TLN1: variants seen among roughly 807,000 people sequenced by gnomAD.
TLN1 encodes the protein talin 1.
TLN1 carries 56 observed loss-of-function variants against 292.3 expected under a neutral mutation model. That is an observed-to-expected ratio of 0.19 (90% CI 0.15 to 0.24). The LOEUF is 0.24. Among genes scored for constraint, TLN1 ranks in the 10% least tolerant of loss-of-function variants. The probability of loss-of-function intolerance (pLI) is 1.00; values close to 1 mark genes in which losing one functional copy is unlikely to be tolerated. For missense variants in TLN1, 2,433 were observed against 3,248.2 expected, an observed-to-expected ratio of 0.75 and a Z score of 6.10; for synonymous variants, 1,119 against 1,253.7, an observed-to-expected ratio of 0.89 and a Z score of 2.27.
At chr9:35,710,968 A>T (rs201568642) in intron 31 of TLN1, 21 bp downstream of exon 31, 859 of 1,614,124 alleles carry the variant, frequency 5.3e-4, no homozygotes, top group Non-Finnish European at 6.9e-4. Context: ...CCTCAATGCC[A>T]TCAGCCTGCC....
chr9:35,713,613 G>C (rs554794909), intron 25 of TLN1, among the ~76,000 whole-genome samples: 57 of 152,190 alleles, frequency 3.7e-4, no homozygotes, highest in African/African-American at 1.3e-3. Context: ...GAACCCAGGA[G>C]GCAGAGGTTG....
Position 35,732,011 on chromosome 9 carries a change from CCCGCCCCGGGG to C in TLN1, c.-34+53_-34+63del. On this transcript the variant is annotated intron_variant, in intron 1 of 56. Transcript: ENST00000314888. This position sits in a 1 kb window ranked among gnomAD's most constrained non-coding sequence, Gnocchi z 5.1. Reference sequence around the variant, plus strand: ...GGACACGCAAGAGAGGCAGGGCCCGCCCGCCCCGGGGCCAGGCCCCGCGGCCCCACCCTAAG... The same window carrying C: ...GGACACGCAAGAGAGGCAGGGCCCGCCCAGGCCCCGCGGCCCCACCCTAAG... The C allele has an allele frequency of 6.5e-6, 1 of 152,854 alleles. No individual in the cohort carries two copies. Among genetic ancestry groups the C allele is most frequent in the South Asian group, 1.8e-4 (1 of 5,432 alleles). The allele number at this position is 152,854 out of a possible 1,614,324, so 9.5% of individuals were successfully genotyped here. A position where few individuals can be genotyped will look rare whatever the true frequency, so the allele number is the denominator to read the frequency against.
chr9:35,731,205 C>T (rs1477435106), intron 1 of TLN1, among the ~76,000 whole-genome samples: 2 of 152,282 alleles, frequency 1.3e-5, no homozygotes, highest in Non-Finnish European at 1.5e-5. Context: ...CATTTACCTA[C>T]TGCCAACCTC....
rs766844989 is a variant in TLN1, at chr9:35,698,516, G to A, written c.7189-11C>T. 2 of 1,613,398 alleles carry A rather than the reference G, an allele frequency of 1.2e-6. No individual in the cohort carries two copies. Among genetic ancestry groups the A allele is most frequent in the Non-Finnish European group, 1.7e-6 (2 of 1,179,632 alleles). On this transcript the variant is annotated splice_polypyrimidine_tract_variant and intron_variant, in intron 54 of 56. Transcript: ENST00000314888. This position sits in a 1 kb window ranked among gnomAD's most constrained non-coding sequence, Gnocchi z 5.3. ...AGCCACCATCCGGGCCTAAAGCAGGGAGAGTTTGCTTAAAAATATGCCCCT... is the reference window on the plus strand; with the variant it reads ...AGCCACCATCCGGGCCTAAAGCAGGAAGAGTTTGCTTAAAAATATGCCCCT...
intron 26 of TLN1, 68 bp downstream of exon 26, chr9:35,713,128 C>A: frequency 6.4e-7 from 1 of 1,571,704 alleles, no homozygotes; most frequent in Admixed American, 1.7e-5. Context: ...CAGTCCCATC[C>A]CTCATCCAGC....
At chr9:35,709,120 C>A (rs1048436551) in intron 33 of TLN1, among the ~76,000 whole-genome samples, 3 of 152,118 alleles carry the variant, frequency 2.0e-5, no homozygotes, top group African/African-American at 7.2e-5. Context: ...TTTAGTGAAA[C>A]CCTGTCTCTA....
At chr9:35,701,816 G>A (rs1825471582) in intron 48 of TLN1, among the ~76,000 whole-genome samples, 1 of 152,190 alleles carries the variant, frequency 6.6e-6, no homozygotes. Flanking sequence ...ATATATTGAA[G>A]CTAGGTTTCT....
rs1278780617 is a variant in TLN1, at chr9:35,699,313, G to A, written c.6874+43C>T. The stretch of plus-strand genomic sequence containing the variant: ...AGCCAGGAAGCAGAGATCACACCAT[G>A]ATAAGGGTTTTCCATCCGTCCCTGT... On this transcript the variant is annotated intron_variant, in intron 51 of 56. Coordinates refer to ENST00000314888, the MANE Select transcript of TLN1 (RefSeq NM_006289.4). This position sits in a 1 kb window ranked among gnomAD's most constrained non-coding sequence, Gnocchi z 4.0. The A allele has an allele frequency of 6.3e-7, 1 of 1,585,472 alleles. No homozygotes were observed. The highest frequency in any genetic ancestry group is 1.7e-5 in the Admixed American group (1 of 57,246).
rs1825428427 is a variant in TLN1, at chr9:35,699,628, CACACGTGATAGAGACAGTGG to C, written c.6769-187_6769-168del. ...CAAGTACACATCATGCATCACACCT[CACACGTGATAGAGACAGTGG>C]GGCTGTGTCACTCACCGGCTGACAA... On this transcript the variant is annotated intron_variant, in intron 50 of 56. Transcript: ENST00000314888. This position sits in a 1 kb window ranked among gnomAD's most constrained non-coding sequence, Gnocchi z 4.0. 1.0e-6 allele frequency: 1 copy of C among 985,264 alleles called. No homozygotes were observed. Among genetic ancestry groups the C allele is most frequent in the Non-Finnish European group, 1.2e-6 (1 of 829,920 alleles). 61.0% of individuals were successfully genotyped at this position (985,264 alleles called of 1,614,324 possible).
chr9:35,712,060 A>C lies in TLN1; in HGVS notation c.3626T>G (p.Val1209Gly). The stretch of plus-strand genomic sequence containing the variant: ...TCCAACTGCCCTCAGGGCATTATCC[A>C]CATCGCGCTGGCCAGGTAGGCAGCT... ...CVSCLPGQRD[V>G]DNALRAVGDA... Residue 1209 changes from valine to glycine, a missense_variant, in exon 28 of 57, where the codon GTG becomes GGG. Physicochemically the swap from Val to Gly is moderately radical, Grantham distance 109. This residue lies in a region of TLN1 where 1,384 missense variants were observed against 1,699.6 expected (regional missense o/e 0.81). Coordinates refer to ENST00000314888, the MANE Select transcript of TLN1 (RefSeq NM_006289.4). The C allele has an allele frequency of 6.2e-7, 1 of 1,614,116 alleles. No homozygotes were observed. Among genetic ancestry groups the C allele is most frequent in the Non-Finnish European group, 8.5e-7 (1 of 1,180,010 alleles).
chr9:35,721,693 G>A lies in TLN1; in HGVS notation c.1059C>T (p.Leu353=). ...KTKEVIQEWN[L]TNIKRWAASP... ...ACGCAGCCCAGCGTTTGATGTTGGT[G>A]AGGTTCCACTCCTGGATCACTTCCT... Residue 353 remains leucine, a synonymous_variant, in exon 10 of 57, where the codon CTC becomes CTT. Transcript: ENST00000314888. The A allele has an allele frequency of 6.2e-7, 1 of 1,614,128 alleles. No homozygotes were observed. Among genetic ancestry groups the A allele is most frequent in the East Asian group, 2.2e-5 (1 of 44,888 alleles).
rs538668311 is a variant in TLN1, at chr9:35,721,560, A to T, written c.1104+88T>A. On this transcript the variant is annotated intron_variant, in intron 10 of 56. Coordinates refer to ENST00000314888, the MANE Select transcript of TLN1 (RefSeq NM_006289.4). ...TTTTTTCTGGAGTAATACTCAGTAT[A>T]CTTACCCCAAGAGAGGGAAGAGACC... The T allele has an allele frequency of 2.2e-4, 320 of 1,448,772 alleles. 2 individuals are homozygous for T. In the South Asian group the frequency reaches 3.9e-3, roughly 17 times the overall value. 89.7% of individuals were successfully genotyped at this position (1,448,772 alleles called of 1,614,324 possible).
rs761209160 is a variant in TLN1, at chr9:35,707,741, T to C, written c.4622A>G (p.Lys1541Arg). 6.2e-7 allele frequency: 1 copy of C among 1,614,142 alleles called. No homozygotes were observed. The highest frequency in any genetic ancestry group is 1.7e-5 in the Admixed American group (1 of 60,018). Residue 1541 changes from lysine to arginine, a missense_variant, in exon 35 of 57, where the codon AAG (lysine) becomes AGG (arginine). By Grantham distance (26) the Lys-to-Arg change is conservative. Around this residue, in one of 7 missense-constraint regions of TLN1, gnomAD observed 1,384 missense variants for 1,699.6 expected, o/e 0.81. Coordinates refer to ENST00000314888, the MANE Select transcript of TLN1 (RefSeq NM_006289.4). This position sits in a 1 kb window ranked among gnomAD's most constrained non-coding sequence, Gnocchi z 5.6. ...TCAAGCAATGGGAACCTTGATGGTCTTGACAAGATTAGCTGTGCTGTTGGC... is the reference window on the plus strand; with the variant it reads ...TCAAGCAATGGGAACCTTGATGGTCCTGACAAGATTAGCTGTGCTGTTGGC... ...EVANSTANLV[K>R]TIKALDGAFT...
chr9:35,720,043 G>A lies in TLN1; in HGVS notation c.1460C>T (p.Pro487Leu). ...TGGTGGAAGTGGGACACTTACCAGA[G>A]GAGGCATGTGTCCTCGGTGCATCTG... is the stretch of plus-strand genomic sequence containing the variant. ...SGQMHRGHMP[P>L]LTSAQQALTG... Residue 487 changes from proline (P) to leucine (L), a missense_variant, in exon 13 of 57, where the codon CCT becomes CTT. Coordinates refer to ENST00000314888, the MANE Select transcript of TLN1 (RefSeq NM_006289.4). The A allele has an allele frequency of 6.3e-7, 1 of 1,586,326 alleles. No individual in the cohort carries two copies. Among genetic ancestry groups the A allele is most frequent in the Non-Finnish European group, 8.6e-7 (1 of 1,166,312 alleles).
rs759258592 is a variant in TLN1 at position 35,720,193 on chromosome 9, T to C, written c.1310A>G (p.Asn437Ser). 1.4e-5 allele frequency: 23 copies of C among 1,600,502 alleles called. No individual in the cohort carries two copies. In the African/African-American group the frequency reaches 2.0e-4, roughly 14 times the overall value. The change falls in exon 13 of 57, where the codon AAC becomes AGC. Residue 437 changes from asparagine to serine, a missense_variant. Physicochemically the swap from Asn to Ser is conservative, Grantham distance 46. Around this residue, in one of 7 missense-constraint regions of TLN1, gnomAD observed 617 missense variants for 770.6 expected, o/e 0.80. Coordinates refer to ENST00000314888, the MANE Select transcript of TLN1 (RefSeq NM_006289.4). Reference sequence around the variant, plus strand: ...GCCATGCTCCACTTTCCCCACCCGGTTGTATTGCTGCTGCAGGACTGTTGA... The same window carrying C: ...GCCATGCTCCACTTTCCCCACCCGGCTGTATTGCTGCTGCAGGACTGTTGA... Reference protein sequence around the residue: ...KKSTVLQQQYNRVGKVEHGSV... With the variant: ...KKSTVLQQQYSRVGKVEHGSV...
rs747049665 is a variant in TLN1 at position 35,700,091 on chromosome 9, G to C, written c.6661-10C>G. On this transcript the variant is annotated splice_polypyrimidine_tract_variant and intron_variant, in intron 49 of 56. Transcript: ENST00000314888. Reference sequence around the variant, plus strand: ...GGTGGTAAGCTGCTTCCTGTCCCCAGAGTAATATGTTAGCTTTAGGCCCCG... The same window carrying C: ...GGTGGTAAGCTGCTTCCTGTCCCCACAGTAATATGTTAGCTTTAGGCCCCG... 3 of 1,607,326 alleles carry C rather than the reference G, an allele frequency of 1.9e-6. No homozygotes were observed. The highest frequency in any genetic ancestry group is 1.7e-6 in the Non-Finnish European group (2 of 1,174,790).
chr9:35,725,700 C>T lies in TLN1; in HGVS notation c.-6G>A. ...TTCAGTGAAAGTGCAACCATGGTGG[C>T]AGCTTCTTTTCTCCAGCCTGGCTAT... On this transcript the variant is annotated 5_prime_UTR_variant, in exon 2 of 57. Transcript: ENST00000314888. The T allele has an allele frequency of 6.2e-7, 1 of 1,613,400 alleles. No homozygotes were observed. The highest frequency in any genetic ancestry group is 1.7e-5 in the Admixed American group (1 of 60,006).
Position 35,697,230 on chromosome 9 carries a change from C to T in TLN1, c.*561G>A, listed in dbSNP as rs909397846. The stretch of plus-strand genomic sequence containing the variant: ...CCTCAGGTGCAGACTGCCAGTCTTC[C>T]CCTCTCCCATTTCAAGCTGGATCAA... On this transcript the variant is annotated 3_prime_UTR_variant, in exon 57 of 57. Transcript: ENST00000314888. The T allele has an allele frequency of 6.5e-6, 1 of 153,124 alleles. No individual in the cohort carries two copies. Among genetic ancestry groups the T allele is most frequent in the South Asian group, 2.1e-4 (1 of 4,878 alleles). 9.5% of individuals were successfully genotyped at this position (153,124 alleles called of 1,614,324 possible).
chr9:35,703,641 T>G lies in TLN1; in HGVS notation c.6393A>C (p.Thr2131=), dbSNP rs1176856510. ...TGGCCTCATCTTCCACGGCTTTTACTGTCTTAAGCAATGATGTCACATTGG... is the reference window on the plus strand; with the variant it reads ...TGGCCTCATCTTCCACGGCTTTTACGGTCTTAAGCAATGATGTCACATTGG... ...MVTNVTSLLK[T]VKAVEDEATK... is the part of the protein sequence containing the mutation. The change falls in exon 48 of 57, where the codon ACA becomes ACC. Residue 2131 remains threonine, a synonymous_variant. Coordinates refer to ENST00000314888, the MANE Select transcript of TLN1 (RefSeq NM_006289.4). The G allele has an allele frequency of 6.2e-7, 1 of 1,614,218 alleles. No homozygotes were observed.
Sources: gnomAD v4.1 joint callset for allele counts (sites outside exome capture counted in the v4.1 genomes callset) on GRCh38, gnomAD v4.1.1 for gene constraint, gnomAD v4.1.1 regional missense constraint, Gnocchi (gnomAD v3.1) non-coding constraint, MANE v1.5 for transcripts, NCBI Gene and HGNC (gene_info 2026-07-23, HGNC 2026-07-21) for gene names.